Variants in HGS observed in about 807,000 individuals in gnomAD.
The protein encoded by HGS is human growth factor-regulated tyrosine kinase substrate.
Under a neutral mutation model 109.7 loss-of-function variants are expected in HGS, and 63 were observed. That is an observed-to-expected ratio of 0.57 (90% CI 0.47 to 0.71). The LOEUF is 0.71. HGS is among the 30% of genes least tolerant of loss of function. The pLI is 0.00. For synonymous variants in HGS, 546 were observed against 437.3 expected, an observed-to-expected ratio of 1.25 and a Z score of -3.10; for missense variants, 995 against 1,068.3, an observed-to-expected ratio of 0.93 and a Z score of 0.96.
rs1473486888 is a variant in HGS, at chr17:81,695,986, G to T, written c.1380G>T (p.Leu460=). 1 of 1,558,110 alleles carries T rather than the reference G, an allele frequency of 6.4e-7. No individual in the cohort carries two copies. Among genetic ancestry groups the T allele is most frequent in the Non-Finnish European group, 8.7e-7 (1 of 1,148,618 alleles). Residue 460 remains leucine (L), a synonymous_variant, in exon 15 of 22, where the codon CTG becomes CTT. Transcript: ENST00000329138. ...HPQLLELLNQ[L]DERRLYYEGL... ...AGCTGCTGGAGCTGCTCAACCAGCT[G>T]GACGAGCGCAGGCGTAGGTGCCCGC...
In HGS at chr17:81,690,679, A is replaced by G. The variant is rs757934791; in HGVS notation, c.474A>G (p.Pro158=). The change falls in exon 7 of 22, where the codon CCA becomes CCG. Residue 158 remains proline, a synonymous_variant. Coordinates refer to ENST00000329138, the MANE Select transcript of HGS (RefSeq NM_004712.5). ...SDAMFAAERA[P]DWVDAEECHR... ...TGACTGCTGCCCCTCCTCAGGCCCC[A>G]GACTGGGTGGACGCTGAGGAATGCC... 1.2e-6 allele frequency: 2 copies of G among 1,612,658 alleles called. No homozygotes were observed. The highest frequency in any genetic ancestry group is 1.1e-5 in the South Asian group (1 of 90,974).
chr17:81,684,025 C>T lies in HGS; in HGVS notation c.-42C>T, dbSNP rs1018981392. ...AGTCGGGGGGCGCGCCAGCTCGTAG[C>T]AGGGGAGCGCCCGCGGCGTCGGGTT... On this transcript the variant is annotated 5_prime_UTR_variant, in exon 1 of 22. Transcript: ENST00000329138. 10 of 1,574,982 alleles carry T rather than the reference C, an allele frequency of 6.3e-6. No homozygotes were observed. Among genetic ancestry groups the T allele is most frequent in the Non-Finnish European group, 2.6e-6 (3 of 1,164,444 alleles).
Position 81,691,248 on chromosome 17 carries a change from C to T in HGS, c.538-199C>T, listed in dbSNP as rs531255005. The T allele has an allele frequency of 3.4e-5, 21 of 611,254 alleles. No individual in the cohort carries two copies. The highest frequency in any genetic ancestry group is 2.2e-4 in the African/African-American group (12 of 54,378). The allele number at this position is 611,254 out of a possible 1,614,324, so 37.9% of individuals were successfully genotyped here. A position where few individuals can be genotyped will look rare whatever the true frequency, so the allele number is the denominator to read the frequency against. The stretch of plus-strand genomic sequence containing the variant: ...TTAACTTACCTTATTTTCCCCAAAA[C>T]GGTGGCTGGCGTTGAGACTCCCGGG... On this transcript the variant is annotated intron_variant, in intron 7 of 21. Transcript: ENST00000329138. This position sits in a 1 kb window ranked among gnomAD's most constrained non-coding sequence, Gnocchi z 5.3.
At chr17:81,684,246 G>A (rs1243164546) in intron 1 of HGS, 143 bp downstream of exon 1, 4 of 746,898 alleles carry the variant, frequency 5.4e-6, no homozygotes, top group Non-Finnish European at 7.5e-6. Context: ...TCCCGGGTTC[G>A]GAGCCGCCGA....
In HGS at chr17:81,691,418, T is replaced by G. The variant is rs749252322; in HGVS notation, c.538-29T>G. 1 of 1,612,748 alleles carries G rather than the reference T, an allele frequency of 6.2e-7. No individual in the cohort carries two copies. The highest frequency in any genetic ancestry group is 1.1e-5 in the South Asian group (1 of 91,054). ...GCGCATCAGGGTCCCCCAGTGCCTG[T>G]GACCAGGCCCGCCCGCCCCATCTTA... is the stretch of plus-strand genomic sequence containing the variant. On this transcript the variant is annotated intron_variant, in intron 7 of 21. Transcript: ENST00000329138. This position sits in a 1 kb window ranked among gnomAD's most constrained non-coding sequence, Gnocchi z 5.3.
At position 81,697,215 on chromosome 17, in the gene HGS, C is replaced by G. The variant is rs1164663701; in HGVS notation, c.1882+217C>G. The G allele has an allele frequency of 9.5e-6, 5 of 526,688 alleles. No homozygotes were observed. In the East Asian group the frequency reaches 1.2e-4, roughly 13 times the overall value. 32.6% of individuals were successfully genotyped at this position (526,688 alleles called of 1,614,324 possible). A position where few individuals can be genotyped will look rare whatever the true frequency, so the allele number is the denominator to read the frequency against. On this transcript the variant is annotated intron_variant, in intron 18 of 21. Transcript: ENST00000329138. ...GTGCGTGGCAGGTACTGCCCTCTCC[C>G]CTGAATGCGACAGCGAGCATTTCCT...
intron 3 of HGS, 123 bp from the exon 4 acceptor site, chr17:81,686,880 C>T (rs1412579947): frequency 5.4e-6 from 4 of 737,600 alleles, no homozygotes; most frequent in African/African-American, 1.8e-5. Context: ...CCGGGTTCCC[C>T]ACCGGCCACT....
chr17:81,684,953 C>T (rs1043554358), intron 1 of HGS: 40 of 985,212 alleles, frequency 4.1e-5, no homozygotes, highest in Non-Finnish European at 4.7e-5. Flanking sequence ...AGAAAGTGGA[C>T]GTGGCTTGGC....
chr17:81,691,430 C>T lies in HGS; in HGVS notation c.538-17C>T. The T allele has an allele frequency of 6.2e-7, 1 of 1,613,490 alleles. No individual in the cohort carries two copies. The highest frequency in any genetic ancestry group is 8.5e-7 in the Non-Finnish European group (1 of 1,179,842). On this transcript the variant is annotated splice_polypyrimidine_tract_variant and intron_variant, in intron 7 of 21. Transcript: ENST00000329138. This position sits in a 1 kb window ranked among gnomAD's most constrained non-coding sequence, Gnocchi z 5.3. The stretch of plus-strand genomic sequence containing the variant: ...CCCCCAGTGCCTGTGACCAGGCCCG[C>T]CCGCCCCATCTTACAGCACCACTGC...
Position 81,700,727 on chromosome 17 carries a change from G to A in HGS, c.2049G>A (p.Pro683=), listed in dbSNP as rs778811993. 1.5e-5 allele frequency: 23 copies of A among 1,532,628 alleles called. No individual in the cohort carries two copies. The highest frequency in any genetic ancestry group is 3.5e-5 in the Admixed American group (2 of 56,834). 94.9% of individuals were successfully genotyped at this position (1,532,628 alleles called of 1,614,324 possible). ...CCTCCCAGGCCCCACAGAGCCTCCC[G>A]GCCATCTCTCAGCCTCCGCAGTCCA... is the stretch of plus-strand genomic sequence containing the variant. ...NVASQAPQSL[P]AISQPPQSST... is the part of the protein sequence containing the mutation. Residue 683 remains proline (P), a synonymous_variant, in exon 20 of 22, where the codon CCG becomes CCA. Coordinates refer to ENST00000329138, the MANE Select transcript of HGS (RefSeq NM_004712.5).
intron 4 of HGS, among the ~76,000 whole-genome samples, chr17:81,687,373 G>A (rs1307403516): frequency 1.3e-5 from 2 of 152,210 alleles, no homozygotes; most frequent in Non-Finnish European, 2.9e-5. Context: ...GGAAGCTTCC[G>A]GGAGGCAGGG....
chr17:81,696,163 A>ATGCCATGCCC (rs2037143022), intron 15 of HGS, 164 bp downstream of exon 15: 1 of 767,992 alleles, frequency 1.3e-6, no homozygotes, highest in African/African-American at 1.8e-5. Flanking sequence ...AGTGATGACC[A>ATGCCATGCCC]TGCCCTGCCC....
intron 11 of HGS, among the ~76,000 whole-genome samples, chr17:81,694,303 C>T (rs1269234275): frequency 6.6e-6 from 1 of 152,250 alleles, no homozygotes; most frequent in Non-Finnish European, 1.5e-5. Context: ...CTCTCCCTGG[C>T]CTCAGCCCCG....
intron 18 of HGS, 99 bp downstream of exon 18, chr17:81,697,097 C>T: frequency 7.7e-7 from 1 of 1,291,224 alleles, no homozygotes; most frequent in Non-Finnish European, 1.0e-6. Flanking sequence ...AGGGTTTTCC[C>T]AGTTGCCCCG....
In HGS at chr17:81,700,478, G is replaced by A. The variant is rs1375749586; in HGVS notation, c.1894G>A (p.Val632Met). The A allele has an allele frequency of 1.3e-6, 2 of 1,574,834 alleles. No homozygotes were observed. Among genetic ancestry groups the A allele is most frequent in the Non-Finnish European group, 1.7e-6 (2 of 1,159,266 alleles). ...CTTGTTTGTCACAGATCCCAGCATGGTGAGTGCCTACATGTACCCAGCAGG... is the reference window on the plus strand; with the variant it reads ...CTTGTTTGTCACAGATCCCAGCATGATGAGTGCCTACATGTACCCAGCAGG... Reference protein sequence around the residue: ...MPSTAADPSMVSAYMYPAGAT... With the variant: ...MPSTAADPSMMSAYMYPAGAT... Residue 632 changes from valine (V) to methionine (M), a missense_variant, in exon 19 of 22, where the codon GTG becomes ATG. Physicochemically the swap from Val to Met is conservative, Grantham distance 21 (BLOSUM62 1). Around this residue, in one of 6 missense-constraint regions of HGS, gnomAD observed 326 missense variants for 309.7 expected, o/e 1.05. Coordinates refer to ENST00000329138, the MANE Select transcript of HGS (RefSeq NM_004712.5).
At chr17:81,694,728 A>AG in intron 11 of HGS, 87 bp from the exon 12 acceptor site, 1 of 1,550,430 alleles carries the variant, frequency 6.4e-7, no homozygotes, top group South Asian at 1.1e-5. Flanking sequence ...TCTGGTCTCC[A>AG]GGATCTGTCG....
intron 3 of HGS, among the ~76,000 whole-genome samples, chr17:81,686,734 C>A (rs1039413090): frequency 6.6e-6 from 1 of 152,158 alleles, no homozygotes; most frequent in Admixed American, 6.5e-5. Context: ...TCCCCACTGG[C>A]CTGACGGGCC....
At position 81,684,123 on chromosome 17, in the gene HGS, C is replaced by T. The variant is rs1456117027; in HGVS notation, c.37+20C>T. ...TCCTAGGTAACGCGTCCCCACCCGA[C>T]GGCTCGGCCTTGGTCAGCCCGCAGC... On this transcript the variant is annotated intron_variant, in intron 1 of 21. Coordinates refer to ENST00000329138, the MANE Select transcript of HGS (RefSeq NM_004712.5). 8 of 1,562,690 alleles carry T rather than the reference C, an allele frequency of 5.1e-6. No homozygotes were observed. Among genetic ancestry groups the T allele is most frequent in the South Asian group, 1.2e-5 (1 of 85,230 alleles).
intron 6 of HGS, 35 bp from the exon 7 acceptor site, chr17:81,690,639 G>C (rs765246148): frequency 6.3e-7 from 1 of 1,595,694 alleles, no homozygotes; most frequent in African/African-American, 1.3e-5. Context: ...TGGTGGGGCG[G>C]GAAGCGTGTG....
Sources: allele counts gnomAD v4.1 joint callset (sites outside exome capture counted in the v4.1 genomes callset), GRCh38; gene constraint gnomAD v4.1.1; regional missense constraint gnomAD v4.1.1; non-coding constraint Gnocchi (gnomAD v3.1); transcripts MANE v1.5; gene names NCBI Gene and HGNC (gene_info 2026-07-23, HGNC 2026-07-21).